PLCL2: variants seen among roughly 807,000 people sequenced by gnomAD.
PLCL2 encodes phospholipase C like 2.
In PLCL2, 4 loss-of-function variants were observed where a neutral mutation model predicts 79.6. The observed-to-expected ratio is 0.05, with a 90% confidence interval of 0.02 to 0.11. The LOEUF (loss-of-function observed/expected upper bound fraction) is 0.11, where lower values mean the gene tolerates loss of function less well. PLCL2 is among the 10% of genes least tolerant of loss of function. PLCL2 has a pLI of 1.00. For synonymous variants in PLCL2, 484 were observed against 457.7 expected (o/e 1.06, Z -0.73); for missense variants, 895 against 1,291.0 (o/e 0.69, Z 4.70).
intron 1 of PLCL2, among the ~76,000 whole-genome samples, chr3:16,939,418 A>T (rs1395131694): frequency 6.6e-6 from 1 of 152,222 alleles, no homozygotes; most frequent in Admixed American, 6.5e-5. Context: ...GCTTTGCCAG[A>T]TGGTATGATT....
chr3:16,972,429 G>C (rs552360186), intron 1 of PLCL2, among the ~76,000 whole-genome samples: 2 of 152,280 alleles, frequency 1.3e-5, no homozygotes, highest in East Asian at 3.9e-4. Flanking sequence ...TGTGTGGTCA[G>C]TTTTAGAGTA....
chr3:16,890,739 C>T (rs2124914331), intron 1 of PLCL2, among the ~76,000 whole-genome samples: 1 of 152,318 alleles, frequency 6.6e-6, no homozygotes, highest in South Asian at 2.1e-4. Flanking sequence ...AAGCTGCCTG[C>T]TGAGCTTTTT....
chr3:16,964,448 C>A (rs1307993698), intron 1 of PLCL2, among the ~76,000 whole-genome samples: 3 of 152,074 alleles, frequency 2.0e-5, no homozygotes, highest in African/African-American at 7.2e-5. Flanking sequence ...GGTTCCAAGT[C>A]TTTGCTATTG....
At chr3:16,921,825 C>A (rs1697130839) in intron 1 of PLCL2, among the ~76,000 whole-genome samples, 1 of 151,908 alleles carries the variant, frequency 6.6e-6, no homozygotes, top group African/African-American at 2.4e-5. Context: ...TGTGAAGGGT[C>A]CAGATTGAAC....
intron 1 of PLCL2, among the ~76,000 whole-genome samples, chr3:16,985,607 T>C (rs1275180037): frequency 1.3e-5 from 2 of 152,158 alleles, no homozygotes; most frequent in African/African-American, 2.4e-5. Flanking sequence ...AATGCTTTTG[T>C]CTCCAAAAAG....
In PLCL2 at chr3:17,089,805, G is replaced by T. The variant is rs777260422; in HGVS notation, c.3277G>T (p.Val1093Phe). Reference protein sequence around the residue: ...ENLKQIHFAAVSCGLNKPGTE... With the variant: ...ENLKQIHFAAFSCGLNKPGTE... ...CCTGAAACAAATCCATTTTGCTGCT[G>T]TTTCATGTGGACTGAATAAACCAGG... The change falls in exon 6 of 6, where the codon GTT (valine) becomes TTT (phenylalanine). Residue 1093 changes from valine (V) to phenylalanine (F), a missense_variant. By Grantham distance (50) the Val-to-Phe change is conservative. Around this residue, in one of 6 missense-constraint regions of PLCL2, gnomAD observed 298 missense variants for 459.6 expected, o/e 0.65. Coordinates refer to ENST00000615277, the MANE Select transcript of PLCL2 (RefSeq NM_001144382.2). 6.2e-7 allele frequency: 1 copy of T among 1,613,968 alleles called. No homozygotes were observed. Among genetic ancestry groups the T allele is most frequent in the Non-Finnish European group, 8.5e-7 (1 of 1,179,874 alleles).
At chr3:17,014,435 G>A (rs976404625) in intron 2 of PLCL2, among the ~76,000 whole-genome samples, 3 of 152,118 alleles carry the variant, frequency 2.0e-5, no homozygotes, top group African/African-American at 4.8e-5. Context: ...TGAACTTTGG[G>A]CTGAAAAGAA....
intron 5 of PLCL2, among the ~76,000 whole-genome samples, chr3:17,070,735 G>A (rs372916476): frequency 6.6e-6 from 1 of 152,138 alleles, no homozygotes; most frequent in East Asian, 1.9e-4. Flanking sequence ...GATCTGTCGA[G>A]TTCCTCCCAT....
chr3:17,006,462 A>G (rs1277579773), intron 1 of PLCL2, among the ~76,000 whole-genome samples: 1 of 152,192 alleles, frequency 6.6e-6, no homozygotes, highest in East Asian at 1.9e-4. Context: ...TCCACCCATT[A>G]AGGAGTGCAA....
intron 4 of PLCL2, among the ~76,000 whole-genome samples, chr3:17,063,744 C>T (rs1414332175): frequency 6.6e-6 from 1 of 152,196 alleles, no homozygotes; most frequent in Admixed American, 6.5e-5. Context: ...TGTTCAACTG[C>T]AGTCACAGGT....
chr3:17,035,994 T>C (rs534804789), intron 3 of PLCL2, among the ~76,000 whole-genome samples: 1 of 152,138 alleles, frequency 6.6e-6, no homozygotes, highest in Non-Finnish European at 1.5e-5. Context: ...ATTTGCGTAG[T>C]GGAAGATGTG....
chr3:16,956,215 T>C (rs1348812828), intron 1 of PLCL2, among the ~76,000 whole-genome samples: 1 of 152,220 alleles, frequency 6.6e-6, no homozygotes, highest in Non-Finnish European at 1.5e-5. Flanking sequence ...CAATACCTAA[T>C]TTATTGAGAG....
chr3:16,974,035 G>T (rs763505446), intron 1 of PLCL2, among the ~76,000 whole-genome samples: 1 of 152,136 alleles, frequency 6.6e-6, no homozygotes, highest in African/African-American at 2.4e-5. Context: ...AGAGAATAAG[G>T]AAAGGGCATT....
chr3:16,988,868 T>A (rs147989410), intron 1 of PLCL2, among the ~76,000 whole-genome samples: 3 of 152,150 alleles, frequency 2.0e-5, no homozygotes, highest in African/African-American at 7.2e-5. Context: ...AGTTTTTAAT[T>A]CCATTTCAAG....
At chr3:16,987,728 A>T (rs541818724) in intron 1 of PLCL2, among the ~76,000 whole-genome samples, 113 of 152,312 alleles carry the variant, frequency 7.4e-4, no homozygotes, top group South Asian at 2.7e-3. Flanking sequence ...TATTTTAAAA[A>T]GTAATGTGAT....
chr3:16,924,912 A>G (rs1263476595), intron 1 of PLCL2, among the ~76,000 whole-genome samples: 2 of 152,066 alleles, frequency 1.3e-5, no homozygotes, highest in Non-Finnish European at 2.9e-5. Context: ...ATTTAAATCT[A>G]CAGAATACAA....
At chr3:17,014,213 G>A (rs1435373145) in intron 2 of PLCL2, among the ~76,000 whole-genome samples, 1 of 152,164 alleles carries the variant, frequency 6.6e-6, no homozygotes, top group Admixed American at 6.5e-5. Context: ...CATCCTCAAA[G>A]GTTCTTTAGA....
chr3:16,914,315 ACAT>A, intron 1 of PLCL2, among the ~76,000 whole-genome samples: 1 of 152,360 alleles, frequency 6.6e-6, no homozygotes, highest in East Asian at 1.9e-4. Flanking sequence ...TTAGGGAGCA[ACAT>A]ATTCAATTTA....
At position 17,010,923 on chromosome 3, in the gene PLCL2, A is replaced by T; in HGVS notation, c.1577A>T (p.Lys526Ile). The change falls in exon 2 of 6, where the codon AAA (lysine) becomes ATA (isoleucine). Residue 526 changes from lysine to isoleucine, a missense_variant. Coordinates refer to ENST00000615277, the MANE Select transcript of PLCL2 (RefSeq NM_001144382.2). This position sits in a 1 kb window ranked among gnomAD's most constrained non-coding sequence, Gnocchi z 5.8. ...TGTTTAGAAAACCACTGTTCCATTA[A>T]ACAACAGAAGGTAATGGTTCAGCAC... Reference protein sequence around the residue: ...ILCLENHCSIKQQKVMVQHMK... With the variant: ...ILCLENHCSIIQQKVMVQHMK... 6.2e-7 allele frequency: 1 copy of T among 1,614,124 alleles called. No homozygotes were observed. Among genetic ancestry groups the T allele is most frequent in the Non-Finnish European group, 8.5e-7 (1 of 1,180,002 alleles).
Sources: gnomAD v4.1 joint callset for allele counts (sites outside exome capture counted in the v4.1 genomes callset) on GRCh38, gnomAD v4.1.1 for gene constraint, gnomAD v4.1.1 regional missense constraint, Gnocchi (gnomAD v3.1) non-coding constraint, MANE v1.5 for transcripts, NCBI Gene and HGNC (gene_info 2026-07-23, HGNC 2026-07-21) for gene names.